The following KLHDC4 variants were observed in gnomAD, a reference collection of about 807,000 sequenced individuals.
KLHDC4 encodes the protein kelch domain containing 4, also known as kelch domain-containing protein 4.
KLHDC4 carries 90 observed loss-of-function variants against 62.4 expected under a neutral mutation model. The ratio of observed to expected loss-of-function variants is 1.44; its 90% CI spans 1.22 to 1.72. The LOEUF is 1.72. Ranked by LOEUF, KLHDC4 falls within the 40% of genes most tolerant of loss-of-function variation. The pLI is 0.00. For synonymous variants in KLHDC4, 386 were observed against 284.4 expected (o/e 1.36, Z -3.59); for missense variants, 1,025 against 699.7 (o/e 1.47, Z -5.25).
At position 87,765,720 on chromosome 16, in the gene KLHDC4, G is replaced by C. The variant is rs545098421; in HGVS notation, c.99+72C>G. 2.3e-5 allele frequency: 33 copies of C among 1,423,776 alleles called. 1 individual carries two copies. The East Asian group carries it at 7.3e-4, about 32-fold the overall frequency. The allele number at this position is 1,423,776 out of a possible 1,614,324, so 88.2% of individuals were successfully genotyped here. A position where few individuals can be genotyped will look rare whatever the true frequency, so the allele number is the denominator to read the frequency against. On this transcript the variant is annotated intron_variant, in intron 1 of 11. Coordinates refer to ENST00000270583, the MANE Select transcript of KLHDC4 (RefSeq NM_017566.4). ...CTCCCACGGCCGACCCGTAACCCCG[G>C]GGGGCGCAGGGAGTCGGCCGAGGCT...
chr16:87,708,552 G>A lies in KLHDC4; in HGVS notation c.1448-86C>T, dbSNP rs1597368436. ...GCGGGACGGTGGTGGCTACGTCCTG[G>A]GGGGATTCCATTTTCTTAAGAACCA... On this transcript the variant is annotated intron_variant, in intron 10 of 11. Coordinates refer to ENST00000270583, the MANE Select transcript of KLHDC4 (RefSeq NM_017566.4). The A allele has an allele frequency of 1.0e-5, 9 of 881,612 alleles. No homozygotes were observed. The East Asian group carries it at 1.9e-4, about 19-fold the overall frequency. The allele number at this position is 881,612 out of a possible 1,614,324, so 54.6% of individuals were successfully genotyped here.
chr16:87,700,180 C>T (rs1160811436), exon 1 of KLHDC4: 1 of 153,026 alleles, frequency 6.5e-6, no homozygotes, highest in Non-Finnish European at 1.5e-5. Flanking sequence ...GACCGTCTCC[C>T]TCCTCTAGGT....
chr16:87,729,615 TA>T (rs1223938731), intron 6 of KLHDC4, among the ~76,000 whole-genome samples: 1 of 152,224 alleles, frequency 6.6e-6, no homozygotes, highest in African/African-American at 2.4e-5. Flanking sequence ...ATAACAGGCC[TA>T]AAACAATGAG....
At chr16:87,746,738 C>G (rs1002471593) in intron 5 of KLHDC4, among the ~76,000 whole-genome samples, 1 of 152,216 alleles carries the variant, frequency 6.6e-6, no homozygotes, top group East Asian at 1.9e-4. Context: ...TGCCCCACCA[C>G]TCCCTCTAGA....
At chr16:87,763,215 G>A (rs988932133) in intron 1 of KLHDC4, among the ~76,000 whole-genome samples, 9 of 152,170 alleles carry the variant, frequency 5.9e-5, no homozygotes, top group Admixed American at 5.9e-4. Context: ...CCACTATCTG[G>A]AACTCGATGC....
At chr16:87,705,729 C>T (rs569421758), downstream of KLHDC4, among the ~76,000 whole-genome samples, 4 of 152,344 alleles carry the variant, frequency 2.6e-5, no homozygotes, top group African/African-American at 7.2e-5. Context: ...AAGAAAGAAC[C>T]GGCCACACAA....
chr16:87,730,383 C>T lies in KLHDC4; in HGVS notation c.599+169G>A, dbSNP rs186464004. Reference sequence around the variant, plus strand: ...TACAGCATGAAGCCAGTGTGAGGCCCGGTGTGAGGCCCTTTGGAGGGCAAG... The same window carrying T: ...TACAGCATGAAGCCAGTGTGAGGCCTGGTGTGAGGCCCTTTGGAGGGCAAG... On this transcript the variant is annotated intron_variant, in intron 6 of 11. Coordinates refer to ENST00000270583, the MANE Select transcript of KLHDC4 (RefSeq NM_017566.4). Among the ~76,000 whole-genome samples, 121 of 152,298 alleles carry T rather than the reference C, an allele frequency of 7.9e-4. 1 individual carries two copies. The highest frequency in any genetic ancestry group is 1.9e-3 in the Admixed American group (29 of 15,302).
intron 7 of KLHDC4, among the ~76,000 whole-genome samples, chr16:87,722,399 C>T (rs2038561129): frequency 6.6e-6 from 1 of 152,162 alleles, no homozygotes; most frequent in African/African-American, 2.4e-5. Context: ...TCTTAATCTA[C>T]AGGCAGGTCC....
chr16:87,711,169 C>A (rs1317726977), intron 9 of KLHDC4, 66 bp downstream of exon 9: 7 of 1,538,640 alleles, frequency 4.5e-6, no homozygotes, highest in East Asian at 2.3e-5. Flanking sequence ...TGGAGGAAGG[C>A]AGTGGTGGCA....
chr16:87,719,156 C>A (rs6540073), intron 7 of KLHDC4, among the ~76,000 whole-genome samples: 3 of 152,138 alleles, frequency 2.0e-5, no homozygotes, highest in Non-Finnish European at 2.9e-5. Context: ...GCCGCCACCC[C>A]GTCTGGGAGG....
At chr16:87,756,596 GGA>G in intron 2 of KLHDC4, 119 bp from the exon 3 acceptor site, 1 of 700,332 alleles carries the variant, frequency 1.4e-6, no homozygotes, top group Non-Finnish European at 2.5e-6. Flanking sequence ...CTTCCTGAAA[GGA>G]GAGCCTGGCA....
rs116747825 is a variant in KLHDC4, at chr16:87,715,270, A to C, written c.760-697T>G. Among the ~76,000 whole-genome samples the C allele has an allele frequency of 4.6e-3, 705 of 152,256 alleles. 8 individuals carry two copies. Among genetic ancestry groups the C allele is most frequent in the African/African-American group, 0.016 (680 of 41,538 alleles). ...GTTTGCACTTTAATTCTCTATTTTTAATACACTATTTTAGAAGTTTTGTAT... is the reference window on the plus strand; with the variant it reads ...GTTTGCACTTTAATTCTCTATTTTTCATACACTATTTTAGAAGTTTTGTAT... On this transcript the variant is annotated intron_variant, in intron 7 of 11. Coordinates refer to ENST00000270583, the MANE Select transcript of KLHDC4 (RefSeq NM_017566.4).
At position 87,726,840 on chromosome 16, in the gene KLHDC4, G is replaced by T. The variant is rs778238859; in HGVS notation, c.684C>A (p.Pro228=). 3.7e-6 allele frequency: 6 copies of T among 1,612,836 alleles called. No homozygotes were observed. The highest frequency in any genetic ancestry group is 1.3e-5 in the African/African-American group (1 of 74,724). ...WSKLSPSGTG[P]TPRSGCQMSV... is the part of the protein sequence containing the mutation. Reference sequence around the variant, plus strand: ...ACATCTGGCAGCCTGATCTGGGTGTGGGCCCCGTCCCTGACGGGGACAGCT... The same window carrying T: ...ACATCTGGCAGCCTGATCTGGGTGTTGGCCCCGTCCCTGACGGGGACAGCT... Residue 228 remains proline, a synonymous_variant, in exon 7 of 12, where the codon CCC becomes CCA. Transcript: ENST00000270583.
Position 87,708,394 on chromosome 16 carries a change from A to G in KLHDC4, c.1520T>C (p.Val507Ala), listed in dbSNP as rs1019588666. The G allele has an allele frequency of 6.2e-7, 1 of 1,609,012 alleles. No individual in the cohort carries two copies. The highest frequency in any genetic ancestry group is 1.3e-5 in the African/African-American group (1 of 74,658). ...CTCCTCTCCGCTGTCTTCGTCGTCGACCCCACCCTCGGCGCCCTCAACCTC... is the reference window on the plus strand; with the variant it reads ...CTCCTCTCCGCTGTCTTCGTCGTCGGCCCCACCCTCGGCGCCCTCAACCTC... Reference protein sequence around the residue: ...SEEVEGAEGGVDDEDSGEESG... With the variant: ...SEEVEGAEGGADDEDSGEESG... Residue 507 changes from valine (V) to alanine (A), a missense_variant, in exon 11 of 12, where the codon GTC becomes GCC. Val to Ala is a moderately conservative substitution (Grantham distance 64). Transcript: ENST00000270583.
chr16:87,764,973 C>A (rs894993056), intron 1 of KLHDC4: 1 of 369,314 alleles, frequency 2.7e-6, no homozygotes, highest in Non-Finnish European at 5.4e-6. Context: ...GCTCCTGATT[C>A]AGGACATCTG....
rs1597304688 is a variant in KLHDC4, at chr16:87,747,217, T to TGCTGGGTTGGG, written c.506+1455_506+1456insCCCAACCCAGC. Among the ~76,000 whole-genome samples the TGCTGGGTTGGG allele has an allele frequency of 2.0e-5, 3 of 152,202 alleles. No individual in the cohort carries two copies. The East Asian group carries it at 5.8e-4, about 29-fold the overall frequency. On this transcript the variant is annotated intron_variant, in intron 5 of 11. Coordinates refer to ENST00000270583, the MANE Select transcript of KLHDC4 (RefSeq NM_017566.4). ...GGAGCCAACACCAGCCTGGCGGGAC[T>TGCTGGGTTGGG]TGCTGGGTTGGGTGCTGGGTTAGCC...
downstream of KLHDC4, among the ~76,000 whole-genome samples, chr16:87,706,297 G>C (rs1274231000): frequency 1.4e-4 from 18 of 126,338 alleles, no homozygotes; most frequent in Non-Finnish European, 2.6e-4. Flanking sequence ...GGGTGAGCTG[G>C]CACAACCCAA....
chr16:87,727,887 T>C (rs756261174), intron 6 of KLHDC4, among the ~76,000 whole-genome samples: 25 of 152,128 alleles, frequency 1.6e-4, no homozygotes, highest in Non-Finnish European at 3.1e-4. Flanking sequence ...CTGCCACATC[T>C]GGTCTTAAGA....
chr16:87,716,374 T>C (rs945224738), intron 7 of KLHDC4, among the ~76,000 whole-genome samples: 3 of 152,218 alleles, frequency 2.0e-5, no homozygotes, highest in East Asian at 1.9e-4. Flanking sequence ...TCGTGGATAC[T>C]GACGCAGAGT....
Sources: gnomAD v4.1 joint callset for allele counts (sites outside exome capture counted in the v4.1 genomes callset) on GRCh38, gnomAD v4.1.1 for gene constraint, MANE v1.5 for transcripts, NCBI Gene and HGNC (gene_info 2026-07-23, HGNC 2026-07-21) for gene names.